The following FSTL5 variants were observed in gnomAD, a reference collection of about 807,000 sequenced individuals.
FSTL5 encodes follistatin-related protein 5.
In FSTL5, 62 loss-of-function variants were observed where a neutral mutation model predicts 89.1. The ratio of observed to expected loss-of-function variants is 0.70; its 90% CI spans 0.57 to 0.86. FSTL5 has a LOEUF of 0.86. Among genes scored for constraint, FSTL5 ranks in the 40% least tolerant of loss-of-function variants. The pLI is 0.00. For synonymous variants in FSTL5, 383 were observed against 346.2 expected, an observed-to-expected ratio of 1.11 and a Z score of -1.18; for missense variants, 1,057 against 1,001.6, an observed-to-expected ratio of 1.06 and a Z score of -0.75.
intron 4 of FSTL5, among the ~76,000 whole-genome samples, chr4:161,899,725 A>G (rs187504371): frequency 1.3e-4 from 20 of 152,336 alleles, no homozygotes; most frequent in African/African-American, 4.8e-4. Flanking sequence ...ATATATGTTG[A>G]CAAGTAAGTA....
intron 8 of FSTL5, among the ~76,000 whole-genome samples, chr4:161,560,561 T>G (rs1023077326): frequency 2.8e-5 from 4 of 145,432 alleles, no homozygotes; most frequent in African/African-American, 9.8e-5. Flanking sequence ...TTTTATTTTA[T>G]AAGATTTTTT....
chr4:161,650,513 A>G (rs1736301293), intron 7 of FSTL5, among the ~76,000 whole-genome samples: 1 of 152,144 alleles, frequency 6.6e-6, no homozygotes, highest in African/African-American at 2.4e-5. Flanking sequence ...AGTTATAATA[A>G]TATAAATTAC....
In FSTL5 at chr4:161,992,618, G is replaced by A. The variant is rs192334048; in HGVS notation, c.160+41007C>T. On this transcript the variant is annotated intron_variant, in intron 3 of 15. Transcript: ENST00000306100. ...AGCACTTTGGAAAGCCAAGACAGGC[G>A]GATCACTGGAGGTCAGGAGTTTGAG... 1.5e-3 allele frequency among the ~76,000 whole-genome samples: 228 copies of A among 151,624 alleles called. 1 individual carries two copies. The highest frequency in any genetic ancestry group is 5.1e-3 in the African/African-American group (209 of 41,376).
intron 3 of FSTL5, among the ~76,000 whole-genome samples, chr4:161,951,002 T>C (rs1044640671): frequency 6.6e-6 from 1 of 152,048 alleles, no homozygotes; most frequent in Admixed American, 6.6e-5. Flanking sequence ...CCACATGTTG[T>C]GGAAGGGACC....
At chr4:161,411,694 A>G (rs1237540642) in intron 15 of FSTL5, among the ~76,000 whole-genome samples, 2 of 152,180 alleles carry the variant, frequency 1.3e-5, no homozygotes, top group Non-Finnish European at 2.9e-5. Flanking sequence ...CCTAGAAATA[A>G]CAAGTGCCAT....
chr4:161,652,200 G>A (rs908792574), intron 7 of FSTL5, among the ~76,000 whole-genome samples: 2 of 152,094 alleles, frequency 1.3e-5, no homozygotes, highest in African/African-American at 4.8e-5. Context: ...GCTTTGAGAG[G>A]CCAAAGCAGG....
intron 14 of FSTL5, among the ~76,000 whole-genome samples, chr4:161,458,647 T>C (rs4260491): frequency 0.99 from 151,551 of 152,314 alleles, 75,401 homozygotes; most frequent in Middle Eastern, 1. Flanking sequence ...CTTCCCATTT[T>C]CTTTCTGTTT....
chr4:162,025,402 A>G (rs539861767), intron 3 of FSTL5, among the ~76,000 whole-genome samples: 4 of 152,132 alleles, frequency 2.6e-5, no homozygotes, highest in Admixed American at 6.6e-5. Flanking sequence ...TAATACTTCA[A>G]ACAGCACTTT....
chr4:161,422,895 T>C (rs1465371540), intron 15 of FSTL5, among the ~76,000 whole-genome samples: 5 of 152,202 alleles, frequency 3.3e-5, no homozygotes, highest in Non-Finnish European at 7.3e-5. Flanking sequence ...TTCACTTATC[T>C]ATTTGGAAAG....
chr4:161,854,623 T>C (rs985005659), intron 4 of FSTL5, among the ~76,000 whole-genome samples: 1 of 152,140 alleles, frequency 6.6e-6, no homozygotes, highest in African/African-American at 2.4e-5. Flanking sequence ...TCAGAGAGTG[T>C]GACACAAATA....
chr4:162,131,657 A>G (rs1257641922), intron 1 of FSTL5, among the ~76,000 whole-genome samples: 2 of 152,182 alleles, frequency 1.3e-5, no homozygotes, highest in African/African-American at 4.8e-5. Context: ...CTTCTCACTG[A>G]GAGAAGATTC....
intron 8 of FSTL5, among the ~76,000 whole-genome samples, chr4:161,560,418 C>A (rs888795067): frequency 2.0e-5 from 3 of 151,780 alleles, no homozygotes; most frequent in Non-Finnish European, 4.4e-5. Context: ...AACTTTCTTT[C>A]TTCAATAATA....
At chr4:161,928,780 A>G (rs554911897) in intron 3 of FSTL5, among the ~76,000 whole-genome samples, 3 of 151,864 alleles carry the variant, frequency 2.0e-5, no homozygotes, top group East Asian at 3.9e-4. Flanking sequence ...AAGAATTTGT[A>G]TATTTTGTGT....
chr4:161,830,723 A>G (rs986006597), intron 4 of FSTL5, among the ~76,000 whole-genome samples: 1 of 152,006 alleles, frequency 6.6e-6, no homozygotes, highest in Non-Finnish European at 1.5e-5. Context: ...GCCTCTCAAC[A>G]AACAGACATC....
chr4:161,963,611 C>T (rs537609117), intron 3 of FSTL5, among the ~76,000 whole-genome samples: 23 of 151,926 alleles, frequency 1.5e-4, no homozygotes, highest in Non-Finnish European at 3.2e-4. Context: ...GTACTCTTCA[C>T]TTTTAATAAC....
rs145614523 is a variant in FSTL5 at position 161,785,127 on chromosome 4, G to A, written c.410-9053C>T. Reference sequence around the variant, plus strand: ...AGACCCAATAATAGACTCAACATTCGACTTTACGTGAAGATCTGAGGAACT... The same window carrying A: ...AGACCCAATAATAGACTCAACATTCAACTTTACGTGAAGATCTGAGGAACT... On this transcript the variant is annotated intron_variant, in intron 4 of 15. Transcript: ENST00000306100. Among the ~76,000 whole-genome samples, 30 of 152,064 alleles carry A rather than the reference G, an allele frequency of 2.0e-4. No individual in the cohort carries two copies. In the East Asian group the frequency reaches 5.1e-3, roughly 26 times the overall value.
At chr4:161,856,830 T>C (rs1179061904) in intron 4 of FSTL5, among the ~76,000 whole-genome samples, 6 of 152,016 alleles carry the variant, frequency 3.9e-5, no homozygotes, top group Non-Finnish European at 4.4e-5. Context: ...TTGAGAAAGC[T>C]GAATGATTAA....
At chr4:161,919,772 A>C (rs1733941021) in intron 4 of FSTL5, among the ~76,000 whole-genome samples, 1 of 152,146 alleles carries the variant, frequency 6.6e-6, no homozygotes, top group Admixed American at 6.5e-5. Flanking sequence ...CTGTTCAATG[A>C]TTTATTTATG....
At chr4:161,690,441 A>G (rs182906837) in intron 6 of FSTL5, among the ~76,000 whole-genome samples, 1 of 152,108 alleles carries the variant, frequency 6.6e-6, no homozygotes, top group Admixed American at 6.5e-5. Flanking sequence ...CTTGTTGACT[A>G]TTTGCATGTC....
Sources: allele counts gnomAD v4.1 joint callset (sites outside exome capture counted in the v4.1 genomes callset), GRCh38; gene constraint gnomAD v4.1.1; transcripts MANE v1.5; gene names NCBI Gene and HGNC (gene_info 2026-07-23, HGNC 2026-07-21).